BAZ1A: variants seen among roughly 807,000 people sequenced by gnomAD.
The protein encoded by BAZ1A is bromodomain adjacent to zinc finger domain 1A, also known as bromodomain adjacent to zinc finger domain protein 1A.
A neutral mutation model predicts 185.2 loss-of-function variants in BAZ1A; 50 were observed. That is an observed-to-expected ratio of 0.27 (90% CI 0.22 to 0.34). The LOEUF is 0.34. BAZ1A is among the 10% of genes least tolerant of loss of function. The probability of loss-of-function intolerance (pLI) is 1.00; values close to 1 mark genes in which losing one functional copy is unlikely to be tolerated. For synonymous variants in BAZ1A, 571 were observed against 615.6 expected, an observed-to-expected ratio of 0.93 and a Z score of 1.07; for missense variants, 1,356 against 1,839.9, an observed-to-expected ratio of 0.74 and a Z score of 4.81.
At position 34,783,797 on chromosome 14, in the gene BAZ1A, T is replaced by C. The variant is rs1880218059; in HGVS notation, c.1962A>G (p.Glu654=). ...AKQEFRELKA[E]QHRKEREEAA... is the part of the protein sequence containing the mutation. The stretch of plus-strand genomic sequence containing the variant: ...CTTCTTCCCTCTCTTTTCGATGTTG[T>C]TCTGCTTTTAATTCCCGGAACTCCT... The change falls in exon 15 of 27, where the codon GAA becomes GAG. Residue 654 remains glutamate, a synonymous_variant. Transcript: ENST00000360310. 1 of 1,613,046 alleles carries C rather than the reference T, an allele frequency of 6.2e-7. No individual in the cohort carries two copies. Among genetic ancestry groups the C allele is most frequent in the Non-Finnish European group, 8.5e-7 (1 of 1,179,772 alleles).
In BAZ1A at chr14:34,765,003, A is replaced by G. The variant is rs2275144; in HGVS notation, c.3549+18T>C. ...ATCTTAATGTCTCATTTCTAATCTGATAAGAAGAAAAAAATACCTTGAGCT... is the reference window on the plus strand; with the variant it reads ...ATCTTAATGTCTCATTTCTAATCTGGTAAGAAGAAAAAAATACCTTGAGCT... On this transcript the variant is annotated intron_variant, in intron 22 of 26. Coordinates refer to ENST00000360310, the MANE Select transcript of BAZ1A (RefSeq NM_013448.3). The G allele has an allele frequency of 1.4e-5, 22 of 1,613,496 alleles. No homozygotes were observed. In the East Asian group the frequency reaches 3.3e-4, roughly 25 times the overall value.
At chr14:34,872,389 G>C in intron 2 of BAZ1A, among the ~76,000 whole-genome samples, 1 of 152,072 alleles carries the variant, frequency 6.6e-6, no homozygotes, top group Non-Finnish European at 1.5e-5. Context: ...TTGAACTCAG[G>C]AGTTCAAGAC....
intron 15 of BAZ1A, 69 bp from the exon 16 acceptor site, chr14:34,783,301 T>G: frequency 2.2e-6 from 2 of 912,826 alleles, no homozygotes; most frequent in Non-Finnish European, 3.4e-6. Context: ...GCATCTTGTC[T>G]TTAATCAAAT....
chr14:34,857,425 T>C (rs979171908), intron 3 of BAZ1A, among the ~76,000 whole-genome samples: 2 of 152,162 alleles, frequency 1.3e-5, no homozygotes, highest in Admixed American at 1.3e-4. Flanking sequence ...TGCCCAAGTA[T>C]AGGCATGAGC....
intron 3 of BAZ1A, among the ~76,000 whole-genome samples, chr14:34,829,076 G>A (rs982159372): frequency 1.1e-4 from 16 of 152,132 alleles, no homozygotes; most frequent in African/African-American, 3.4e-4. Context: ...GACCAGCTTG[G>A]CCAACATGGC....
chr14:34,835,033 C>G (rs1207535862), intron 3 of BAZ1A, among the ~76,000 whole-genome samples: 3 of 150,306 alleles, frequency 2.0e-5, no homozygotes, highest in Admixed American at 6.6e-5. Context: ...TATACATTTT[C>G]TAGAAGATGA....
chr14:34,765,355 G>A (rs1485438588), intron 21 of BAZ1A, 87 bp from the exon 22 acceptor site: 2 of 1,467,906 alleles, frequency 1.4e-6, no homozygotes, highest in Non-Finnish European at 1.8e-6. Flanking sequence ...TTAAATATAG[G>A]TTAGATTTTA....
Position 34,762,163 on chromosome 14 carries a change from G to A in BAZ1A, c.3837C>T (p.Ser1279=). 1 of 1,614,192 alleles carries A rather than the reference G, an allele frequency of 6.2e-7. No homozygotes were observed. Among genetic ancestry groups the A allele is most frequent in the Non-Finnish European group, 8.5e-7 (1 of 1,180,020 alleles). Residue 1279 remains serine, a synonymous_variant, in exon 24 of 27, where the codon AGC becomes AGT. Coordinates refer to ENST00000360310, the MANE Select transcript of BAZ1A (RefSeq NM_013448.3). ...GTTGGCCACGACTTGAGAAAGAAGA[G>A]CTAAGTTTCCCTCTTGTTTTAACTG... ...RLPVKTRGKL[S]SSFSSRGQQQ... is the part of the protein sequence containing the mutation.
intron 3 of BAZ1A, among the ~76,000 whole-genome samples, chr14:34,837,904 C>G (rs992355510): frequency 1.3e-5 from 2 of 152,184 alleles, no homozygotes; most frequent in Admixed American, 6.5e-5. Context: ...AAAGCCACCA[C>G]AGATTTGACA....
At chr14:34,850,356 C>G (rs181637251) in intron 3 of BAZ1A, among the ~76,000 whole-genome samples, 1 of 152,122 alleles carries the variant, frequency 6.6e-6, no homozygotes, top group African/African-American at 2.4e-5. Context: ...CCAGCCTGGG[C>G]AACAGGGCAA....
intron 17 of BAZ1A, among the ~76,000 whole-genome samples, chr14:34,777,370 G>A (rs566401784): frequency 2.4e-4 from 37 of 152,312 alleles, no homozygotes; most frequent in African/African-American, 8.4e-4. Flanking sequence ...TCCGGCTGGC[G>A]CGGTGGCCCA....
At chr14:34,864,387 A>G (rs1054771187) in intron 2 of BAZ1A, among the ~76,000 whole-genome samples, 1 of 151,788 alleles carries the variant, frequency 6.6e-6, no homozygotes, top group Non-Finnish European at 1.5e-5. Flanking sequence ...CAAACAATTC[A>G]CCACCTCAGC....
intron 2 of BAZ1A, among the ~76,000 whole-genome samples, chr14:34,869,643 A>C (rs1224161177): frequency 6.6e-6 from 1 of 152,232 alleles, no homozygotes; most frequent in Non-Finnish European, 1.5e-5. Context: ...GTGAACACAC[A>C]AAATCCAATC....
chr14:34,806,797 G>A, intron 6 of BAZ1A, among the ~76,000 whole-genome samples: 1 of 151,548 alleles, frequency 6.6e-6, no homozygotes. Context: ...TGTCCAGGCT[G>A]GAGTGCAGTG....
intron 5 of BAZ1A, among the ~76,000 whole-genome samples, chr14:34,809,468 C>T (rs991315619): frequency 1.2e-4 from 18 of 152,144 alleles, no homozygotes; most frequent in East Asian, 3.8e-4. Flanking sequence ...GGACAGCATA[C>T]ATGTAACATT....
rs747411899 is a variant in BAZ1A, at chr14:34,762,083, G to A, written c.3917C>T (p.Thr1306Ile). The change falls in exon 24 of 27, where the codon ACT becomes ATT. Residue 1306 changes from threonine to isoleucine, a missense_variant. Thr to Ile is a moderately conservative substitution (Grantham distance 89). This residue lies in a region of BAZ1A where 309 missense variants were observed against 355.3 expected (regional missense o/e 0.87). Coordinates refer to ENST00000360310, the MANE Select transcript of BAZ1A (RefSeq NM_013448.3). ...SRSQQSTPKTTVSSKTGRSLR... is the reference protein window; with the variant it reads ...SRSQQSTPKTIVSSKTGRSLR... ...GCTTCTACCAGTTTTAGAAGAAACA[G>A]TTGTTTTGGGTGTGCTCTGCTGACT... The A allele has an allele frequency of 1.9e-6, 3 of 1,614,216 alleles. No individual in the cohort carries two copies. Among genetic ancestry groups the A allele is most frequent in the South Asian group, 2.2e-5 (2 of 91,086 alleles).
intron 20 of BAZ1A, 139 bp from the exon 21 acceptor site, chr14:34,771,798 G>T: frequency 1.4e-6 from 1 of 689,780 alleles, no homozygotes; most frequent in Non-Finnish European, 2.3e-6. Flanking sequence ...CAGTAAACTA[G>T]TAGGGAAGGG....
Position 34,846,365 on chromosome 14 carries a change from A to ACC in BAZ1A, c.392+15677_392+15678dup, listed in dbSNP as rs570530102. ...AATAAAGAAAATGCCATAAAAACTA[A>ACC]CCACTCTCACCCCCAGCATTTACCA... is the stretch of plus-strand genomic sequence containing the variant. On this transcript the variant is annotated intron_variant, in intron 3 of 26. Transcript: ENST00000360310. 3.9e-3 allele frequency among the ~76,000 whole-genome samples: 593 copies of ACC among 152,276 alleles called. 2 individuals carry two copies. Among genetic ancestry groups the ACC allele is most frequent in the African/African-American group, 0.013 (538 of 41,542 alleles).
intron 9 of BAZ1A, among the ~76,000 whole-genome samples, chr14:34,797,034 CAA>C (rs35654778): frequency 6.8e-6 from 1 of 147,996 alleles, no homozygotes; most frequent in East Asian, 2.0e-4. Context: ...GGACATAGTC[CAA>C]AAAAAAAGAC....
Sources: allele counts gnomAD v4.1 joint callset (sites outside exome capture counted in the v4.1 genomes callset), GRCh38; gene constraint gnomAD v4.1.1; regional missense constraint gnomAD v4.1.1; transcripts MANE v1.5; gene names NCBI Gene and HGNC (gene_info 2026-07-23, HGNC 2026-07-21).